Variants in SCN2A observed in about 807,000 individuals in gnomAD.
SCN2A encodes the protein sodium channel protein type 2 subunit alpha.
SCN2A carries 20 observed loss-of-function variants against 188.7 expected under a neutral mutation model. The observed-to-expected ratio is 0.11, with a 90% CI of 0.07 to 0.15. The LOEUF (loss-of-function observed/expected upper bound fraction) is 0.15. Among genes scored for constraint, SCN2A ranks in the 10% least tolerant of loss-of-function variants. The pLI, the probability that SCN2A is intolerant of heterozygous loss-of-function variation, is 1.00. For missense variants in SCN2A, 1,278 were observed against 2,445.0 expected, an observed-to-expected ratio of 0.52 and a Z score of 10.07; for synonymous variants, 804 against 833.1, an observed-to-expected ratio of 0.97 and a Z score of 0.60.
At chr2:165,276,798 A>G (rs1695361567) in intron 1 of SCN2A, among the ~76,000 whole-genome samples, 1 of 152,210 alleles carries the variant, frequency 6.6e-6, no homozygotes, top group Admixed American at 6.5e-5. Context: ...TCAATCACTC[A>G]TCAGGAAGCT....
chr2:165,246,359 G>GT (rs567803332), intron 1 of SCN2A, among the ~76,000 whole-genome samples: 26 of 151,966 alleles, frequency 1.7e-4, no homozygotes, highest in Middle Eastern at 3.4e-3. Context: ...CAATGATCAT[G>GT]TTTTTTTTAC....
At chr2:165,375,669 A>C (rs939941713) in intron 22 of SCN2A, among the ~76,000 whole-genome samples, 2 of 152,074 alleles carry the variant, frequency 1.3e-5, no homozygotes, top group African/African-American at 4.8e-5. Context: ...ATTTGTTTTC[A>C]GTTTAGGAAA....
intron 17 of SCN2A, among the ~76,000 whole-genome samples, chr2:165,361,506 C>A (rs757537604): frequency 6.6e-6 from 1 of 151,962 alleles, no homozygotes; most frequent in Non-Finnish European, 1.5e-5. Context: ...ACCACTGATT[C>A]GCTATAACTT....
At chr2:165,304,337 T>C (rs906999096) in intron 3 of SCN2A, among the ~76,000 whole-genome samples, 1 of 152,184 alleles carries the variant, frequency 6.6e-6, no homozygotes, top group South Asian at 2.1e-4. Context: ...TCAAGTGATC[T>C]GCCTGCCTCA....
chr2:165,358,948 A>T (rs62174673), intron 17 of SCN2A, among the ~76,000 whole-genome samples: 64,427 of 151,882 alleles, frequency 0.42, 13,881 homozygotes, highest in East Asian at 0.54. Context: ...TTTAACCAAA[A>T]TGCCTAAACC....
chr2:165,377,386 A>G (rs1421802910), intron 22 of SCN2A, among the ~76,000 whole-genome samples: 2 of 151,996 alleles, frequency 1.3e-5, no homozygotes, highest in South Asian at 2.1e-4. Flanking sequence ...TATATATGCT[A>G]AATATCCACA....
At chr2:165,309,525 T>A in intron 6 of SCN2A, 82 bp downstream of exon 6, 2 of 1,501,454 alleles carry the variant, frequency 1.3e-6, no homozygotes, top group East Asian at 2.3e-5. Context: ...GCCTTGTTGC[T>A]AGTTGCATAT....
chr2:165,373,100 G>C, intron 20 of SCN2A, 125 bp from the exon 21 acceptor site: 6 of 1,032,014 alleles, frequency 5.8e-6, no homozygotes, highest in Middle Eastern at 4.5e-4. Context: ...TTTTTAACAA[G>C]ACCCCTGGGT....
At position 165,306,848 on chromosome 2, in the gene SCN2A, T is replaced by C. The variant is rs548826465; in HGVS notation, c.387-1000T>C. Among the ~76,000 whole-genome samples the C allele has an allele frequency of 3.9e-5, 6 of 152,294 alleles. 1 individual carries two copies. In the South Asian group the frequency reaches 1.2e-3, roughly 32 times the overall value. The stretch of plus-strand genomic sequence containing the variant: ...AGTGAGAAAAGATATGAAGAGCACG[T>C]ATTTCCTCTCTGGAATTTCTATAAT... On this transcript the variant is annotated intron_variant, in intron 3 of 26. Coordinates refer to ENST00000375437, the MANE Select transcript of SCN2A (RefSeq NM_001040142.2).
intron 1 of SCN2A, among the ~76,000 whole-genome samples, chr2:165,278,368 CA>C (rs2106116279): frequency 6.6e-6 from 1 of 152,244 alleles, no homozygotes; most frequent in African/African-American, 2.4e-5. Context: ...ACTATCATGG[CA>C]AAAGGCAAAG....
intron 18 of SCN2A, among the ~76,000 whole-genome samples, chr2:165,365,979 C>G (rs1013268249): frequency 1.3e-5 from 2 of 152,136 alleles, no homozygotes; most frequent in African/African-American, 2.4e-5. Context: ...AGCTGCTTTT[C>G]TAGTTTTGAC....
At chr2:165,381,792 G>A (rs1010849157) in intron 25 of SCN2A, among the ~76,000 whole-genome samples, 4 of 151,848 alleles carry the variant, frequency 2.6e-5, no homozygotes, top group African/African-American at 7.3e-5. Context: ...GATACTGTTC[G>A]TTCAGTTTGG....
Position 165,389,606 on chromosome 2 carries a change from A to G in SCN2A, c.5800A>G (p.Lys1934Glu). 1.2e-6 allele frequency: 2 copies of G among 1,613,984 alleles called. No individual in the cohort carries two copies. Among genetic ancestry groups the G allele is most frequent in the Non-Finnish European group, 1.7e-6 (2 of 1,179,958 alleles). ...KVKKVSSIYK[K>E]DKGKECDGTP... ...TAAAAAGGTATCAAGTATATACAAG[A>G]AAGACAAAGGCAAAGAATGTGATGG... The change falls in exon 27 of 27, where the codon AAA becomes GAA. Residue 1934 changes from lysine (K) to glutamate (E), a missense_variant. This residue lies in a region of SCN2A where 109 missense variants were observed against 137.9 expected (regional missense o/e 0.79). Coordinates refer to ENST00000375437, the MANE Select transcript of SCN2A (RefSeq NM_001040142.2). The surrounding 1 kb of genome is among the most constrained non-coding windows in gnomAD (Gnocchi z 4.2).
intron 1 of SCN2A, among the ~76,000 whole-genome samples, chr2:165,280,398 A>C (rs896553001): frequency 6.6e-6 from 1 of 152,122 alleles, no homozygotes; most frequent in African/African-American, 2.4e-5. Flanking sequence ...CCCAAACTAG[A>C]TCACCTTAGT....
chr2:165,267,102 G>T (rs1438062492), intron 1 of SCN2A: 1 of 151,952 alleles, frequency 6.6e-6, no homozygotes, highest in African/African-American at 2.4e-5. Flanking sequence ...TGGATTCAAT[G>T]AAATCCGTAT....
At chr2:165,344,994 T>A in intron 16 of SCN2A, 83 bp downstream of exon 16, 1 of 1,573,632 alleles carries the variant, frequency 6.4e-7, no homozygotes, top group Non-Finnish European at 8.7e-7. Flanking sequence ...GAATATTTTG[T>A]ATTTTTTAAA....
At chr2:165,345,046 G>GAA (rs1699499283) in intron 16 of SCN2A, 135 bp downstream of exon 16, 1 of 1,103,558 alleles carries the variant, frequency 9.1e-7, no homozygotes, top group African/African-American at 1.6e-5. Flanking sequence ...GACTGTAAGA[G>GAA]CCATGTATAG....
intron 1 of SCN2A, among the ~76,000 whole-genome samples, chr2:165,265,516 T>TATATATATATATATA (rs71028476): frequency 3.2e-4 from 39 of 122,816 alleles, no homozygotes; most frequent in Non-Finnish European, 4.1e-4. Flanking sequence ...TATATATATA[T>TATATATATATATATA]TGCTGTGCAG....
At chr2:165,373,389 G>A in intron 21 of SCN2A, 42 bp downstream of exon 21, 1 of 1,608,844 alleles carries the variant, frequency 6.2e-7, no homozygotes, top group South Asian at 1.1e-5. Flanking sequence ...TTATTATTGA[G>A]AGCAGACTGA....
Sources: gnomAD v4.1 joint callset for allele counts (sites outside exome capture counted in the v4.1 genomes callset) on GRCh38, gnomAD v4.1.1 for gene constraint, gnomAD v4.1.1 regional missense constraint, Gnocchi (gnomAD v3.1) non-coding constraint, MANE v1.5 for transcripts, NCBI Gene and HGNC (gene_info 2026-07-23, HGNC 2026-07-21) for gene names.